Variants in CDH13 observed in about 807,000 individuals in gnomAD.
The protein encoded by CDH13 is cadherin-13.
Under a neutral mutation model 63.8 loss-of-function variants are expected in CDH13, and 24 were observed. That is an observed-to-expected ratio of 0.38 (90% CI 0.27 to 0.53). The LOEUF is 0.53. Among genes scored for constraint, CDH13 ranks in the 20% least tolerant of loss-of-function variants. The probability of loss-of-function intolerance (pLI) is 0.85; values close to 1 mark genes in which losing one functional copy is unlikely to be tolerated. For missense variants in CDH13, 1,049 were observed against 903.1 expected, an observed-to-expected ratio of 1.16 and a Z score of -2.07; for synonymous variants, 503 against 355.3, an observed-to-expected ratio of 1.42 and a Z score of -4.67.
At chr16:83,048,793 C>A (rs948473059) in intron 3 of CDH13, among the ~76,000 whole-genome samples, 9 of 152,132 alleles carry the variant, frequency 5.9e-5, no homozygotes, top group Admixed American at 1.3e-4. Context: ...TTTCCCTCCT[C>A]TGTGAATCCT....
chr16:83,360,904 G>A (rs1031717917), intron 6 of CDH13, among the ~76,000 whole-genome samples: 5 of 152,174 alleles, frequency 3.3e-5, no homozygotes, highest in Admixed American at 3.3e-4. Context: ...GAATAGTGCT[G>A]CAACAAACAT....
chr16:83,568,017 T>C (rs1385196476), intron 7 of CDH13, among the ~76,000 whole-genome samples: 7 of 152,194 alleles, frequency 4.6e-5, no homozygotes, highest in Non-Finnish European at 1.0e-4. Context: ...TACACCTCAT[T>C]ACTTCACCTC....
At chr16:83,679,268 AAACTT>A (rs1405353407) in intron 10 of CDH13, among the ~76,000 whole-genome samples, 1 of 152,200 alleles carries the variant, frequency 6.6e-6, no homozygotes, top group Non-Finnish European at 1.5e-5. Flanking sequence ...GTTTCACAAT[AAACTT>A]AAATCAGCGT....
intron 10 of CDH13, among the ~76,000 whole-genome samples, chr16:83,679,927 T>G (rs6563966): frequency 0.74 from 112,591 of 151,994 alleles, 42,246 homozygotes; most frequent in African/African-American, 0.85. Flanking sequence ...ATGCAATGGG[T>G]AGGGGTGGAT....
chr16:83,797,226 C>T lies in CDH13; in HGVS notation c.*2196C>T, dbSNP rs1904286306. 1 of 152,250 alleles carries T rather than the reference C, an allele frequency of 6.6e-6. No homozygotes were observed. The highest frequency in any genetic ancestry group is 2.1e-4 in the South Asian group (1 of 4,822). 9.4% of individuals were successfully genotyped at this position (152,250 alleles called of 1,614,324 possible). On this transcript the variant is annotated 3_prime_UTR_variant, in exon 14 of 14. Transcript: ENST00000567109. ...ATATGCTAACTGGCAATCAGGAAGT[C>T]ACCCTCCAATGTAAACTTCAGCCAC...
At chr16:83,010,241 C>T (rs888594540) in intron 2 of CDH13, among the ~76,000 whole-genome samples, 2 of 151,238 alleles carry the variant, frequency 1.3e-5, no homozygotes, top group Non-Finnish European at 1.5e-5. Flanking sequence ...GATCCTGGCA[C>T]AGCACTTTGA....
chr16:83,569,925 C>A (rs1904417821), intron 7 of CDH13, among the ~76,000 whole-genome samples: 1 of 152,112 alleles, frequency 6.6e-6, no homozygotes, highest in African/African-American at 2.4e-5. Flanking sequence ...TTAATAGAGA[C>A]AGGGTTTCAC....
chr16:83,758,374 A>C (rs1446959934), intron 11 of CDH13, among the ~76,000 whole-genome samples: 1 of 152,122 alleles, frequency 6.6e-6, no homozygotes, highest in Non-Finnish European at 1.5e-5. Flanking sequence ...TCATCTCAAG[A>C]GTTGCATTTG....
intron 1 of CDH13, among the ~76,000 whole-genome samples, chr16:82,791,164 G>T (rs2036277930): frequency 6.6e-6 from 1 of 151,810 alleles, no homozygotes; most frequent in African/African-American, 2.4e-5. Flanking sequence ...ATGAACCCGG[G>T]AGGCGGAGCT....
At position 83,460,982 on chromosome 16, in the gene CDH13, A is replaced by AACACACACACAC. The variant is rs367812199; in HGVS notation, c.782-25494_782-25483dup. On this transcript the variant is annotated intron_variant, in intron 6 of 13. Coordinates refer to ENST00000567109, the MANE Select transcript of CDH13 (RefSeq NM_001257.5). ...GTGACAGAATTAGACCTTGTCTCAA[A>AACACACACACAC]ACACACACACACGCACACACACACA... is the stretch of plus-strand genomic sequence containing the variant. Among the ~76,000 whole-genome samples the AACACACACACAC allele has an allele frequency of 5.1e-3, 683 of 134,314 alleles. 11 individuals carry two copies. Among genetic ancestry groups the AACACACACACAC allele is most frequent in the Middle Eastern group, 0.015 (4 of 262 alleles). The allele number at this position is 134,314 out of a possible 152,430, so 88.1% of individuals were successfully genotyped here.
chr16:83,344,745 A>G (rs2090801044), intron 5 of CDH13, 117 bp from the exon 6 acceptor site: 4 of 1,086,980 alleles, frequency 3.7e-6, no homozygotes, highest in Non-Finnish European at 5.3e-6. Context: ...CCAAAATTTC[A>G]ATATTGCCAA....
At chr16:82,971,235 C>T (rs924971256) in intron 2 of CDH13, among the ~76,000 whole-genome samples, 1 of 152,212 alleles carries the variant, frequency 6.6e-6, no homozygotes, top group Non-Finnish European at 1.5e-5. Flanking sequence ...TTCTAGTTAT[C>T]CACATTGACA....
At chr16:83,511,523 C>G (rs745732485) in intron 7 of CDH13, among the ~76,000 whole-genome samples, 4 of 151,606 alleles carry the variant, frequency 2.6e-5, no homozygotes, top group Non-Finnish European at 4.4e-5. Flanking sequence ...GCACATACAC[C>G]TACACATACA....
intron 2 of CDH13, among the ~76,000 whole-genome samples, chr16:82,943,579 A>G (rs532684217): frequency 2.0e-5 from 3 of 152,300 alleles, no homozygotes; most frequent in East Asian, 3.9e-4. Context: ...GTTGGCTTTT[A>G]TTAGGCAATG....
At chr16:82,935,265 A>G (rs902211931) in intron 2 of CDH13, among the ~76,000 whole-genome samples, 2 of 152,168 alleles carry the variant, frequency 1.3e-5, no homozygotes, top group African/African-American at 2.4e-5. Flanking sequence ...ATTAGATCCC[A>G]TGAGAACTCA....
At chr16:82,836,160 C>T (rs919483050) in intron 1 of CDH13, among the ~76,000 whole-genome samples, 1 of 152,094 alleles carries the variant, frequency 6.6e-6, no homozygotes, top group African/African-American at 2.4e-5. Context: ...GAGTTTCACT[C>T]TTGTTGCCCA....
chr16:83,320,713 T>C (rs2151894090), intron 5 of CDH13, among the ~76,000 whole-genome samples: 2 of 152,334 alleles, frequency 1.3e-5, no homozygotes, highest in Non-Finnish European at 2.9e-5. Context: ...TGAAATTCTC[T>C]TGTCATTAGT....
intron 4 of CDH13, among the ~76,000 whole-genome samples, chr16:83,211,571 C>T (rs1285267828): frequency 6.6e-6 from 1 of 152,168 alleles, no homozygotes; most frequent in African/African-American, 2.4e-5. Context: ...TAGAGGTAGG[C>T]ATGGGACTTT....
Position 83,748,248 on chromosome 16 carries a change from G to C in CDH13, c.1679G>C (p.Ser560Thr). ...ACTGCTCTCTTCCTGGCAATTGACA[G>C]TGGTGAGTACTTGACAAAGACCATC... ...VYTALFLAID[S>T]GNPPATGTGT... The change falls in exon 11 of 14, where the codon AGT (serine) becomes ACT (threonine). Residue 560 changes from serine to threonine, a missense_variant and splice_region_variant. By Grantham distance (58) the Ser-to-Thr change is moderately conservative (BLOSUM62 1). Transcript: ENST00000567109. 1 of 1,607,538 alleles carries C rather than the reference G, an allele frequency of 6.2e-7. No individual in the cohort carries two copies. Among genetic ancestry groups the C allele is most frequent in the Non-Finnish European group, 8.5e-7 (1 of 1,174,866 alleles).
Sources: gnomAD v4.1 joint callset for allele counts (sites outside exome capture counted in the v4.1 genomes callset) on GRCh38, gnomAD v4.1.1 for gene constraint, MANE v1.5 for transcripts, NCBI Gene and HGNC (gene_info 2026-07-23, HGNC 2026-07-21) for gene names.